VTI1A: variants seen among roughly 807,000 people sequenced by gnomAD.
The protein encoded by VTI1A is vesicle transport through interaction with t-SNAREs homolog 1A.
A neutral mutation model predicts 34.9 loss-of-function variants in VTI1A; 22 were observed. That is an observed-to-expected ratio of 0.63 (90% CI 0.45 to 0.90). VTI1A has a LOEUF of 0.90. VTI1A is among the 40% of genes least tolerant of loss of function. The pLI, the probability that VTI1A is intolerant of heterozygous loss-of-function variation, is 0.00. For synonymous variants in VTI1A, 87 were observed against 97.3 expected (o/e 0.89, Z 0.62); for missense variants, 268 against 275.6 (o/e 0.97, Z 0.20).
At chr10:112,513,268 T>C (rs1304005598) in intron 3 of VTI1A, among the ~76,000 whole-genome samples, 1 of 152,094 alleles carries the variant, frequency 6.6e-6, no homozygotes, top group Non-Finnish European at 1.5e-5. Flanking sequence ...TGGTTACATT[T>C]ATACCCAAGT....
At chr10:112,518,747 A>G (rs1258164331) in intron 3 of VTI1A, among the ~76,000 whole-genome samples, 2 of 151,572 alleles carry the variant, frequency 1.3e-5, no homozygotes, top group Non-Finnish European at 2.9e-5. Context: ...ACCATAAAGG[A>G]AAGAACCAGT....
At chr10:112,734,032 G>A (rs561268972) in intron 7 of VTI1A, among the ~76,000 whole-genome samples, 27 of 152,132 alleles carry the variant, frequency 1.8e-4, no homozygotes, top group East Asian at 1.6e-3. Context: ...GATTACAGGC[G>A]TGAGCCACCG....
At chr10:112,624,318 G>A (rs1589987965) in intron 5 of VTI1A, among the ~76,000 whole-genome samples, 1 of 152,156 alleles carries the variant, frequency 6.6e-6, no homozygotes, top group Admixed American at 6.6e-5. Context: ...TATGAAATGA[G>A]CCATTGTGTC....
chr10:112,538,161 A>C, intron 4 of VTI1A, 85 bp from the exon 5 acceptor site: 8 of 1,188,640 alleles, frequency 6.7e-6, no homozygotes, highest in South Asian at 1.3e-5. Context: ...ATGTTAGGGC[A>C]TACGAAGGCA....
intron 5 of VTI1A, among the ~76,000 whole-genome samples, chr10:112,589,434 G>GGC (rs879416267): frequency 0.11 from 16,040 of 152,094 alleles, 942 homozygotes; most frequent in African/African-American, 0.13. Context: ...GGAACTGTAA[G>GGC]TTCCACCCAG....
At chr10:112,743,161 A>G (rs1850757034) in intron 7 of VTI1A, among the ~76,000 whole-genome samples, 1 of 152,106 alleles carries the variant, frequency 6.6e-6, no homozygotes, top group Admixed American at 6.6e-5. Flanking sequence ...ACAAGCCTTG[A>G]GTTCGTCTGG....
chr10:112,526,475 T>G (rs1432924118), intron 3 of VTI1A, among the ~76,000 whole-genome samples: 2 of 152,138 alleles, frequency 1.3e-5, no homozygotes, highest in Non-Finnish European at 2.9e-5. Context: ...TTACTTTTCC[T>G]TAGGCCATTA....
chr10:112,766,584 C>T (rs1851652760), intron 7 of VTI1A, among the ~76,000 whole-genome samples: 1 of 152,074 alleles, frequency 6.6e-6, no homozygotes, highest in East Asian at 1.9e-4. Context: ...GGAAGAAATG[C>T]TAGTATACTT....
the VTI1A span, among the ~76,000 whole-genome samples, chr10:112,830,111 G>C: frequency 6.6e-6 from 1 of 152,222 alleles, no homozygotes; most frequent in Non-Finnish European, 1.5e-5. Context: ...ACTCCAAGCT[G>C]TTCTCCCCAC....
chr10:112,599,555 T>G (rs184081919), intron 5 of VTI1A, among the ~76,000 whole-genome samples: 1 of 152,262 alleles, frequency 6.6e-6, no homozygotes, highest in African/African-American at 2.4e-5. Context: ...CCAGAGACTT[T>G]CTTTCCTTGC....
chr10:112,648,487 T>C (rs533271247), intron 5 of VTI1A, among the ~76,000 whole-genome samples: 2 of 152,318 alleles, frequency 1.3e-5, no homozygotes, highest in East Asian at 1.9e-4. Flanking sequence ...GCATCAACCA[T>C]GATAAATTAA....
chr10:112,524,405 G>A (rs545053787), intron 3 of VTI1A, among the ~76,000 whole-genome samples: 2 of 152,174 alleles, frequency 1.3e-5, no homozygotes, highest in African/African-American at 4.8e-5. Context: ...TTTAGGAAAA[G>A]TCAGTCCTGT....
chr10:112,599,183 C>T (rs571195328), intron 5 of VTI1A, among the ~76,000 whole-genome samples: 5 of 152,240 alleles, frequency 3.3e-5, no homozygotes, highest in African/African-American at 1.2e-4. Context: ...CCTCAAAAGG[C>T]CCGAAACAAG....
intron 1 of VTI1A, chr10:112,448,421 G>C (rs751306801): frequency 6.6e-6 from 1 of 152,158 alleles, no homozygotes; most frequent in Non-Finnish European, 1.5e-5. Context: ...ACTATGTGAA[G>C]GTGGGAGCTG....
At chr10:112,471,889 T>G (rs1015072201) in intron 3 of VTI1A, among the ~76,000 whole-genome samples, 7 of 152,094 alleles carry the variant, frequency 4.6e-5, no homozygotes, top group African/African-American at 1.7e-4. Flanking sequence ...AACCCTAAAT[T>G]TATACAAACA....
intron 7 of VTI1A, among the ~76,000 whole-genome samples, chr10:112,681,139 A>G (rs1848199209): frequency 6.6e-6 from 1 of 150,898 alleles, no homozygotes; most frequent in Non-Finnish European, 1.5e-5. Context: ...ACAGTGGCCC[A>G]ACAATAGCTC....
intron 3 of VTI1A, among the ~76,000 whole-genome samples, chr10:112,501,948 A>G (rs1423698276): frequency 3.9e-5 from 6 of 151,954 alleles, no homozygotes; most frequent in African/African-American, 9.7e-5. Context: ...TGTTTTACCA[A>G]TAAACATAAA....
At chr10:112,619,588 A>G (rs7078041) in intron 5 of VTI1A, among the ~76,000 whole-genome samples, 120,491 of 152,184 alleles carry the variant, frequency 0.79, 48,655 homozygotes, top group African/African-American at 0.93. Flanking sequence ...GACTATGTTT[A>G]TTTCTTATTT....
chr10:112,578,142 A>C (rs1321331330), intron 5 of VTI1A, among the ~76,000 whole-genome samples: 1 of 152,106 alleles, frequency 6.6e-6, no homozygotes, highest in African/African-American at 2.4e-5. Context: ...GACAGCTCAG[A>C]GGAGAAGAAA....
Sources: allele counts gnomAD v4.1 joint callset (sites outside exome capture counted in the v4.1 genomes callset), GRCh38; gene constraint gnomAD v4.1.1; transcripts MANE v1.5; gene names NCBI Gene and HGNC (gene_info 2026-07-23, HGNC 2026-07-21).